SERPINB10: variants seen among roughly 807,000 people sequenced by gnomAD.
SERPINB10 encodes the protein serpin B10.
SERPINB10 carries 35 observed loss-of-function variants against 39.1 expected under a neutral mutation model. The observed-to-expected ratio is 0.90, with a 90% CI of 0.68 to 1.19. The LOEUF is 1.19. Among genes scored for constraint, SERPINB10 ranks in the 50% most tolerant of loss-of-function variants. The probability of loss-of-function intolerance (pLI) is 0.00; values close to 1 mark genes in which losing one functional copy is unlikely to be tolerated. For synonymous variants in SERPINB10, 190 were observed against 158.1 expected, an observed-to-expected ratio of 1.20 and a Z score of -1.52; for missense variants, 546 against 460.5, an observed-to-expected ratio of 1.19 and a Z score of -1.70.
chr18:63,929,490 A>G (rs1162474995), intron 5 of SERPINB10, among the ~76,000 whole-genome samples: 1 of 152,046 alleles, frequency 6.6e-6, no homozygotes, highest in Non-Finnish European at 1.5e-5. Context: ...AAAGGTACAG[A>G]GAAAAAGAAG....
At chr18:63,917,613 G>A in intron 3 of SERPINB10, 92 bp downstream of exon 3, 2 of 704,112 alleles carry the variant, frequency 2.8e-6, no homozygotes, top group South Asian at 2.6e-5. Context: ...ACTTTTAGCA[G>A]GTAATTTTTC....
chr18:63,921,734 C>T (rs953115770), intron 5 of SERPINB10, among the ~76,000 whole-genome samples: 5 of 151,886 alleles, frequency 3.3e-5, no homozygotes, highest in Non-Finnish European at 1.5e-5. Context: ...AAGCCCTTAA[C>T]CAGACATATA....
chr18:63,922,624 T>TG (rs1393390261), intron 5 of SERPINB10, among the ~76,000 whole-genome samples: 1 of 152,012 alleles, frequency 6.6e-6, no homozygotes, highest in Non-Finnish European at 1.5e-5. Context: ...AGCTGTTGTC[T>TG]GGTGCCACAT....
At chr18:63,923,854 G>A (rs572264412) in intron 5 of SERPINB10, among the ~76,000 whole-genome samples, 2 of 151,630 alleles carry the variant, frequency 1.3e-5, no homozygotes, top group Non-Finnish European at 2.9e-5. Flanking sequence ...TCCTTTTCCA[G>A]CTCATGATTT....
rs986769071 is a variant in SERPINB10, at chr18:63,930,118, C to T, written c.564C>T (p.Tyr188=). 4.3e-6 allele frequency: 7 copies of T among 1,613,524 alleles called. No homozygotes were observed. The highest frequency in any genetic ancestry group is 2.7e-5 in the African/African-American group (2 of 74,902). Residue 188 remains tyrosine, a synonymous_variant, in exon 6 of 8, where the codon TAC becomes TAT. Coordinates refer to ENST00000238508, the MANE Select transcript of SERPINB10 (RefSeq NM_005024.3). ...GGATGATTCTGGTGAACGCCCTATACTTTAAAGGAATCTGGGAACATCAAT... is the reference window on the plus strand; with the variant it reads ...GGATGATTCTGGTGAACGCCCTATATTTTAAAGGAATCTGGGAACATCAAT... ...TTRMILVNAL[Y]FKGIWEHQFL...
intron 5 of SERPINB10, among the ~76,000 whole-genome samples, chr18:63,920,605 C>G (rs1219837634): frequency 6.6e-6 from 1 of 151,976 alleles, no homozygotes; most frequent in Non-Finnish European, 1.5e-5. Context: ...GCTAATTTGT[C>G]TTTAAGGGGA....
At chr18:63,917,413 C>T in intron 2 of SERPINB10, 43 bp from the exon 3 acceptor site, 1 of 1,146,612 alleles carries the variant, frequency 8.7e-7, no homozygotes, top group Non-Finnish European at 1.3e-6. Context: ...TATATAATTA[C>T]TTCTCTGCAG....
chr18:63,934,693 A>G, intron 7 of SERPINB10, 145 bp from the exon 8 acceptor site: 1 of 767,348 alleles, frequency 1.3e-6, no homozygotes, highest in Non-Finnish European at 2.0e-6. Flanking sequence ...CAACCAAAGG[A>G]TTTCCAGATG....
At chr18:63,915,787 C>T in intron 2 of SERPINB10, 109 bp downstream of exon 2, 2 of 972,450 alleles carry the variant, frequency 2.1e-6, no homozygotes. Context: ...TTCACAATAA[C>T]ATTCTCTAAA....
In SERPINB10 at chr18:63,930,164, G is replaced by T; in HGVS notation, c.610G>T (p.Glu204Ter). The T allele has an allele frequency of 1.2e-6, 2 of 1,613,230 alleles. No homozygotes were observed. The highest frequency in any genetic ancestry group is 1.7e-6 in the Non-Finnish European group (2 of 1,179,524). Reference sequence around the variant, plus strand: ...TCAATTCTTAGTGCAAAACACCACAGAAAAGCCTTTTAGAATAAACGAGGT... The same window carrying T: ...TCAATTCTTAGTGCAAAACACCACATAAAAGCCTTTTAGAATAAACGAGGT... Reference protein sequence around the residue: ...EHQFLVQNTTEKPFRINETTS... With the variant: ...EHQFLVQNTT Residue 204 changes from glutamate to a stop codon, truncating the protein, a stop_gained, in exon 6 of 8, where the codon GAA (glutamate) becomes TAA (stop). Coordinates refer to ENST00000238508, the MANE Select transcript of SERPINB10 (RefSeq NM_005024.3). LOFTEE classifies it high-confidence loss of function.
At chr18:63,919,254 T>G (rs1268265196) in intron 4 of SERPINB10, among the ~76,000 whole-genome samples, 1 of 149,092 alleles carries the variant, frequency 6.7e-6, no homozygotes, top group Non-Finnish European at 1.5e-5. Context: ...TTTTTTTGCC[T>G]CAGAATGCCT....
chr18:63,929,513 C>G (rs8087412), intron 5 of SERPINB10, among the ~76,000 whole-genome samples: 65,134 of 151,568 alleles, frequency 0.43, 17,659 homozygotes, highest in African/African-American at 0.77. Flanking sequence ...CATTTTAGCA[C>G]AAGTGTCTTG....
chr18:63,922,843 G>A (rs929759359), intron 5 of SERPINB10, among the ~76,000 whole-genome samples: 20 of 151,956 alleles, frequency 1.3e-4, no homozygotes, highest in African/African-American at 4.6e-4. Context: ...TGGCTAATGT[G>A]ACTGAGGAAC....
At position 63,917,523 on chromosome 18, in the gene SERPINB10, TATATC is replaced by T. The variant is rs1462006591; in HGVS notation, c.234+3_234+7del. 4 of 1,523,660 alleles carry T rather than the reference TATATC, an allele frequency of 2.6e-6. No individual in the cohort carries two copies. Among genetic ancestry groups the T allele is most frequent in the Non-Finnish European group, 3.6e-6 (4 of 1,116,352 alleles). The allele number at this position is 1,523,660 out of a possible 1,614,324, so 94.4% of individuals were successfully genotyped here. On this transcript the variant is annotated splice_donor_5th_base_variant and intron_variant, in intron 3 of 7. Transcript: ENST00000238508. ...GAAAGTGAAAAAAAAAGGAAAATGG[TATATC>T]TTATCCTTTAATATATATTTCATAA...
chr18:63,933,720 T>C (rs1417249009), intron 7 of SERPINB10, among the ~76,000 whole-genome samples: 1 of 152,244 alleles, frequency 6.6e-6, no homozygotes, highest in African/African-American at 2.4e-5. Context: ...TCTCTATCAA[T>C]ACTGTCTTCA....
At chr18:63,929,712 C>CAAAAAAAAAAA (rs74169990) in intron 5 of SERPINB10, among the ~76,000 whole-genome samples, 30 of 97,332 alleles carry the variant, frequency 3.1e-4, no homozygotes, top group East Asian at 8.4e-4. Context: ...AGCTAAAGTG[C>CAAAAAAAAAAA]AAAAAAAAAA....
At chr18:63,923,262 A>C (rs1386895779) in intron 5 of SERPINB10, among the ~76,000 whole-genome samples, 2 of 151,992 alleles carry the variant, frequency 1.3e-5, no homozygotes, top group African/African-American at 2.4e-5. Flanking sequence ...TATTTTGGAC[A>C]CAAATATCTG....
intron 1 of SERPINB10, among the ~76,000 whole-genome samples, chr18:63,909,092 G>A (rs1476878884): frequency 6.6e-6 from 1 of 151,924 alleles, no homozygotes. Context: ...ATGTGCTAGG[G>A]GCATGCGATG....
chr18:63,910,335 A>G (rs1357629279), intron 1 of SERPINB10, among the ~76,000 whole-genome samples: 1 of 152,026 alleles, frequency 6.6e-6, no homozygotes, highest in Non-Finnish European at 1.5e-5. Flanking sequence ...CTCAGAGGGT[A>G]CATATGCAGG....
Sources: gnomAD v4.1 joint callset for allele counts (sites outside exome capture counted in the v4.1 genomes callset) on GRCh38, gnomAD v4.1.1 for gene constraint, MANE v1.5 for transcripts, NCBI Gene and HGNC (gene_info 2026-07-23, HGNC 2026-07-21) for gene names.